Variants in NRXN1 observed in about 807,000 individuals in gnomAD.
NRXN1 encodes neurexin 1.
In NRXN1, 39 loss-of-function variants were observed where a neutral mutation model predicts 150.9. That is an observed-to-expected ratio of 0.26 (90% CI 0.20 to 0.34). NRXN1 has a LOEUF of 0.34. NRXN1 is among the 10% of genes least tolerant of loss of function. The pLI is 1.00. For missense variants in NRXN1, 1,815 were observed against 1,949.9 expected (o/e 0.93, Z 1.30); for synonymous variants, 924 against 757.0 (o/e 1.22, Z -3.62).
At chr2:49,932,741 T>C (rs768734577) in intron 22 of NRXN1, among the ~76,000 whole-genome samples, 5 of 152,218 alleles carry the variant, frequency 3.3e-5, no homozygotes, top group Non-Finnish European at 7.3e-5. Context: ...TCTTATTTTA[T>C]GTAGTTAACA....
chr2:50,483,050 CAAAAAAAAAAA>C (rs70948712), intron 15 of NRXN1, among the ~76,000 whole-genome samples: 2 of 75,414 alleles, frequency 2.7e-5, no homozygotes, highest in Admixed American at 1.7e-4. Context: ...GACTCCGTGT[CAAAAAAAAAAA>C]AAAAAAAAAA....
Position 50,430,624 on chromosome 2 carries a change from A to T in NRXN1, c.3364+34818T>A, listed in dbSNP as rs747297530. Among the ~76,000 whole-genome samples, 88 of 152,216 alleles carry T rather than the reference A, an allele frequency of 5.8e-4. 1 individual carries two copies. The highest frequency in any genetic ancestry group is 2.0e-3 in the African/African-American group (81 of 41,472). On this transcript the variant is annotated intron_variant, in intron 17 of 22. Transcript: ENST00000401669. The stretch of plus-strand genomic sequence containing the variant: ...GTACCAGGCCCCAAATTTCTAGGTG[A>T]CTGTGAAAGACAAAATGCTGGAATA...
At chr2:51,003,832 C>T (rs1232317915) in intron 2 of NRXN1, among the ~76,000 whole-genome samples, 1 of 151,906 alleles carries the variant, frequency 6.6e-6, no homozygotes, top group Non-Finnish European at 1.5e-5. Flanking sequence ...AATGAATCAC[C>T]ACTACTCTGA....
chr2:50,391,373 A>G (rs1156874881), intron 17 of NRXN1, among the ~76,000 whole-genome samples: 1 of 152,164 alleles, frequency 6.6e-6, no homozygotes, highest in Non-Finnish European at 1.5e-5. Flanking sequence ...TTTTATTAGA[A>G]TAGCAATATC....
intron 8 of NRXN1, among the ~76,000 whole-genome samples, chr2:50,554,887 C>T (rs1308975753): frequency 6.6e-6 from 1 of 152,058 alleles, no homozygotes; most frequent in Non-Finnish European, 1.5e-5. Context: ...TAACAAGCAT[C>T]TATTGACAAC....
chr2:49,930,063 G>T (rs1669850489), intron 22 of NRXN1, among the ~76,000 whole-genome samples: 1 of 152,174 alleles, frequency 6.6e-6, no homozygotes, highest in Non-Finnish European at 1.5e-5. Context: ...AAAGTGGGTA[G>T]AGAAGTCTAC....
At chr2:50,139,443 C>G (rs768249992) in intron 18 of NRXN1, among the ~76,000 whole-genome samples, 4 of 151,194 alleles carry the variant, frequency 2.6e-5, no homozygotes, top group Non-Finnish European at 5.9e-5. Flanking sequence ...TCACTAGTTT[C>G]TTGCAAGGAC....
At chr2:50,824,568 G>A (rs1283585389) in intron 5 of NRXN1, among the ~76,000 whole-genome samples, 1 of 152,110 alleles carries the variant, frequency 6.6e-6, no homozygotes, top group African/African-American at 2.4e-5. Flanking sequence ...GAATATGCTA[G>A]GATCCAGTAA....
At chr2:50,448,407 G>GA (rs1277380462) in intron 17 of NRXN1, among the ~76,000 whole-genome samples, 4 of 151,996 alleles carry the variant, frequency 2.6e-5, no homozygotes, top group Non-Finnish European at 5.9e-5. Context: ...AGAAAAGCAG[G>GA]AAAAAAACGT....
intron 5 of NRXN1, among the ~76,000 whole-genome samples, chr2:50,651,322 AG>A: frequency 6.6e-6 from 1 of 152,112 alleles, no homozygotes; most frequent in East Asian, 1.9e-4. Flanking sequence ...ATCTCTATAA[AG>A]AATGTTAGAC....
intron 17 of NRXN1, among the ~76,000 whole-genome samples, chr2:50,295,526 T>C (rs1430697540): frequency 6.6e-6 from 1 of 152,188 alleles, no homozygotes; most frequent in Non-Finnish European, 1.5e-5. Flanking sequence ...AGAAGGAATA[T>C]GAGCAATAAA....
At chr2:51,031,501 A>G (rs1347566045) in intron 1 of NRXN1, among the ~76,000 whole-genome samples, 1 of 152,038 alleles carries the variant, frequency 6.6e-6, no homozygotes, top group Admixed American at 6.6e-5. Flanking sequence ...AGAAGTGCTT[A>G]TTATTTCACC....
At chr2:50,559,063 C>CA (rs566993216) in intron 8 of NRXN1, among the ~76,000 whole-genome samples, 114 of 152,178 alleles carry the variant, frequency 7.5e-4, no homozygotes, top group African/African-American at 2.7e-3. Context: ...GCCTGGGTGA[C>CA]AGAGTGAGAC....
intron 18 of NRXN1, among the ~76,000 whole-genome samples, chr2:50,203,076 T>G (rs2062301520): frequency 6.6e-6 from 1 of 152,090 alleles, no homozygotes; most frequent in African/African-American, 2.4e-5. Context: ...GGCAAAACTG[T>G]GAAGAGCCTG....
chr2:50,281,455 A>G (rs1191326282), intron 17 of NRXN1, among the ~76,000 whole-genome samples: 1 of 152,098 alleles, frequency 6.6e-6, no homozygotes, highest in African/African-American at 2.4e-5. Context: ...TTGGATTCAA[A>G]TTCTACCTTT....
At chr2:50,371,583 C>A (rs1468311317) in intron 17 of NRXN1, among the ~76,000 whole-genome samples, 1 of 151,766 alleles carries the variant, frequency 6.6e-6, no homozygotes, top group Non-Finnish European at 1.5e-5. Context: ...AATTATAGAC[C>A]AGATTTTTAT....
chr2:50,104,323 C>G (rs987496701), intron 18 of NRXN1, among the ~76,000 whole-genome samples: 1 of 152,014 alleles, frequency 6.6e-6, no homozygotes, highest in Non-Finnish European at 1.5e-5. Context: ...CTGTTGTGAT[C>G]TTGCATTCCA....
chr2:50,319,990 A>G (rs979489694), intron 17 of NRXN1, among the ~76,000 whole-genome samples: 1 of 151,880 alleles, frequency 6.6e-6, no homozygotes, highest in Non-Finnish European at 1.5e-5. Context: ...AAAGCACTAT[A>G]GCAACAAGAG....
chr2:50,181,766 C>T (rs2060734276), intron 18 of NRXN1, among the ~76,000 whole-genome samples: 1 of 152,032 alleles, frequency 6.6e-6, no homozygotes, highest in Non-Finnish European at 1.5e-5. Context: ...ATCAATATAT[C>T]TACTTCCCTA....
Sources: gnomAD v4.1 joint callset for allele counts (sites outside exome capture counted in the v4.1 genomes callset) on GRCh38, gnomAD v4.1.1 for gene constraint, MANE v1.5 for transcripts, NCBI Gene and HGNC (gene_info 2026-07-23, HGNC 2026-07-21) for gene names.